Variants in LTBP2 observed in about 807,000 individuals in gnomAD.
LTBP2 encodes latent-transforming growth factor beta-binding protein 2.
Under a neutral mutation model 210.6 loss-of-function variants are expected in LTBP2, and 103 were observed. The observed-to-expected ratio is 0.49, with a 90% CI of 0.42 to 0.58. The LOEUF is 0.58. LTBP2 is among the 20% of genes least tolerant of loss of function. The pLI is 0.00. For missense variants in LTBP2, 2,313 were observed against 2,494.5 expected, an observed-to-expected ratio of 0.93 and a Z score of 1.55; for synonymous variants, 1,007 against 1,015.0, an observed-to-expected ratio of 0.99 and a Z score of 0.15.
At chr14:74,612,237 GA>G (rs1294860574), upstream of LTBP2, 1 of 412,350 alleles carries the variant, frequency 2.4e-6, no homozygotes, top group East Asian at 4.2e-5. Context: ...TTTATTTTTG[GA>G]AACCTCCCCC....
intron 3 of LTBP2, among the ~76,000 whole-genome samples, chr14:74,578,990 G>A (rs2088099807): frequency 1.3e-5 from 2 of 152,222 alleles, no homozygotes; most frequent in South Asian, 2.1e-4. Context: ...CAAGTAGCTG[G>A]GATTACAGGC....
intron 3 of LTBP2, among the ~76,000 whole-genome samples, chr14:74,577,504 C>CTT (rs397948520): frequency 5.8e-4 from 79 of 135,952 alleles, no homozygotes; most frequent in Middle Eastern, 3.9e-3. Flanking sequence ...ACCATTATCT[C>CTT]TTTTTTTTTT....
chr14:74,544,462 G>A (rs1164818274), intron 8 of LTBP2, among the ~76,000 whole-genome samples: 9 of 152,168 alleles, frequency 5.9e-5, no homozygotes, highest in Non-Finnish European at 1.0e-4. Context: ...ACTTAGCACC[G>A]TGCCTGGCAC....
chr14:74,551,340 G>T lies in LTBP2; in HGVS notation c.1410C>A (p.Asn470Lys). The T allele has an allele frequency of 6.4e-7, 1 of 1,572,558 alleles. No homozygotes were observed. Residue 470 changes from asparagine to lysine, a missense_variant, in exon 7 of 36, where the codon AAC becomes AAA. Around this residue, in one of 3 missense-constraint regions of LTBP2, gnomAD observed 1,867 missense variants for 1,976.9 expected, o/e 0.94. Transcript: ENST00000261978. The part of the protein sequence containing the change: ...LPLSNQLASV[N>K]PSLVKVHIHH... ...GAATGTGCACCTTCACCAGGGAGGG[G>T]TTCACGGAGGCTGGGCACAGGGGCT... is the stretch of plus-strand genomic sequence containing the variant.
chr14:74,578,339 A>G (rs1223371952), intron 3 of LTBP2, among the ~76,000 whole-genome samples: 1 of 152,226 alleles, frequency 6.6e-6, no homozygotes, highest in Non-Finnish European at 1.5e-5. Flanking sequence ...ACATTATTTC[A>G]GTAAATTCTC....
intron 4 of LTBP2, among the ~76,000 whole-genome samples, chr14:74,554,539 G>C (rs2087705174): frequency 6.6e-6 from 1 of 152,150 alleles, no homozygotes. Context: ...GTAACGCTAA[G>C]TGAAAGAAGC....
chr14:74,575,163 A>C (rs558232785), intron 3 of LTBP2, among the ~76,000 whole-genome samples: 1 of 152,226 alleles, frequency 6.6e-6, no homozygotes, highest in Admixed American at 6.5e-5. Flanking sequence ...ACATCTGCCC[A>C]GAGCTGGAGT....
Position 74,504,881 on chromosome 14 carries a change from A to C in LTBP2, c.4370-20T>G. 1 of 1,614,002 alleles carries C rather than the reference A, an allele frequency of 6.2e-7. No individual in the cohort carries two copies. Among genetic ancestry groups the C allele is most frequent in the South Asian group, 1.1e-5 (1 of 91,082 alleles). ...ATTCAGCTATGTAGAGAGGCGTTTC[A>C]GCTCAGAGTGGGGAGGGCCCTGCCC... On this transcript the variant is annotated intron_variant, in intron 29 of 35. Coordinates refer to ENST00000261978, the MANE Select transcript of LTBP2 (RefSeq NM_000428.3).
chr14:74,509,741 G>GGCAGTGCCGTCTTCATTCAC lies in LTBP2; in HGVS notation c.3250_3269dup (p.Cys1091Ter). 4 of 1,614,118 alleles carry GGCAGTGCCGTCTTCATTCAC rather than the reference G, an allele frequency of 2.5e-6. No homozygotes were observed. The highest frequency in any genetic ancestry group is 3.4e-6 in the Non-Finnish European group (4 of 1,180,038). ...CTGCCTCCCCAGGGTTACCTTCACA[G>GGCAGTGCCGTCTTCATTCAC]GCAGTGCCGTCTTCATTCACCCAGT... On this transcript the variant is annotated stop_gained and frameshift_variant, in exon 21 of 36. Coordinates refer to ENST00000261978, the MANE Select transcript of LTBP2 (RefSeq NM_000428.3). LOFTEE classifies it high-confidence loss of function.
At chr14:74,553,923 CGTGTGTGTGTGTGTGTGTGTGTGTGTGT>C (rs34143485) in intron 4 of LTBP2, among the ~76,000 whole-genome samples, 2 of 130,574 alleles carry the variant, frequency 1.5e-5, no homozygotes, top group Non-Finnish European at 1.6e-5. Flanking sequence ...AGCGGAGAAA[CGTGTGTGTGTGTGTGTGTGTGTGTGTGT>C]GTGTGTGTGT....
chr14:74,577,795 C>T (rs941910180), intron 3 of LTBP2, among the ~76,000 whole-genome samples: 3 of 151,724 alleles, frequency 2.0e-5, no homozygotes, highest in East Asian at 1.9e-4. Context: ...GCATGGCCAG[C>T]GCGCCCAGCT....
intron 1 of LTBP2, among the ~76,000 whole-genome samples, chr14:74,607,842 T>C (rs1028729825): frequency 4.0e-5 from 6 of 151,834 alleles, no homozygotes; most frequent in East Asian, 3.9e-4. Flanking sequence ...GGCAAATTTA[T>C]AGAGGAAATT....
intron 34 of LTBP2, 133 bp downstream of exon 34, chr14:74,502,520 G>T (rs767056577): frequency 8.0e-7 from 1 of 1,253,558 alleles, no homozygotes; most frequent in African/African-American, 1.5e-5. Flanking sequence ...AGCCGTGAAC[G>T]GGGACCTCTG....
At chr14:74,553,680 G>A (rs546569435) in intron 4 of LTBP2, among the ~76,000 whole-genome samples, 2 of 152,210 alleles carry the variant, frequency 1.3e-5, no homozygotes, top group African/African-American at 4.8e-5. Context: ...TGTGCTGGGG[G>A]GTCCGGAGGC....
chr14:74,513,260 A>G (rs1388208711), intron 18 of LTBP2, among the ~76,000 whole-genome samples: 3 of 152,208 alleles, frequency 2.0e-5, no homozygotes, highest in East Asian at 1.9e-4. Context: ...TTTCTGCACC[A>G]TGGTAATCTG....
intron 35 of LTBP2, 133 bp downstream of exon 35, chr14:74,501,308 C>T (rs1170592914): frequency 9.4e-6 from 13 of 1,389,366 alleles, no homozygotes; most frequent in African/African-American, 2.8e-5. Flanking sequence ...CTTCCTTTGG[C>T]GCTTTCTTCC....
At chr14:74,585,753 C>T (rs1471133234) in intron 3 of LTBP2, 101 bp downstream of exon 3, 13 of 1,565,140 alleles carry the variant, frequency 8.3e-6, no homozygotes, top group Admixed American at 3.6e-5. Context: ...GAGGACTCTG[C>T]GGCCTTCTCC....
At chr14:74,517,880 T>C (rs917390838) in intron 17 of LTBP2, among the ~76,000 whole-genome samples, 43 of 152,234 alleles carry the variant, frequency 2.8e-4, no homozygotes, top group Non-Finnish European at 1.5e-4. Context: ...TCCAGTTCTG[T>C]TCGCAGCTTG....
intron 21 of LTBP2, 149 bp from the exon 22 acceptor site, chr14:74,509,512 G>T: frequency 7.9e-7 from 1 of 1,260,318 alleles, no homozygotes; most frequent in Non-Finnish European, 1.1e-6. Flanking sequence ...CCTGCCCTCA[G>T]CTTCCCTCTT....
Sources: allele counts gnomAD v4.1 joint callset (sites outside exome capture counted in the v4.1 genomes callset), GRCh38; gene constraint gnomAD v4.1.1; regional missense constraint gnomAD v4.1.1; transcripts MANE v1.5; gene names NCBI Gene and HGNC (gene_info 2026-07-23, HGNC 2026-07-21).